SEPTIN6: variants seen among roughly 807,000 people sequenced by gnomAD.
SEPTIN6 encodes the protein septin 6.
SEPTIN6 carries 8 observed loss-of-function variants against 33.6 expected under a neutral mutation model. The ratio of observed to expected loss-of-function variants is 0.24; its 90% confidence interval spans 0.14 to 0.43. The LOEUF (loss-of-function observed/expected upper bound fraction) is 0.43, where lower values mean the gene tolerates loss of function less well. SEPTIN6 is among the 20% of genes least tolerant of loss of function. The pLI, the probability that SEPTIN6 is intolerant of heterozygous loss-of-function variation, is 1.00. For synonymous variants in SEPTIN6, 131 were observed against 140.0 expected, an observed-to-expected ratio of 0.94 and a Z score of 0.45; for missense variants, 250 against 340.8, an observed-to-expected ratio of 0.73 and a Z score of 2.10.
intron 8 of SEPTIN6, among the ~76,000 whole-genome samples, chrX:119,632,370 G>C (rs1490878499): frequency 1.8e-5 from 2 of 109,853 alleles, no homozygotes; most frequent in East Asian, 5.8e-4. Flanking sequence ...TAATTTTTTT[G>C]TATTTTTAGT....
chrX:119,669,125 C>T (rs1197331463), intron 2 of SEPTIN6, among the ~76,000 whole-genome samples: 1 of 113,005 alleles, frequency 8.8e-6, no homozygotes, highest in Non-Finnish European at 1.9e-5. Context: ...GAAGAAGTAA[C>T]TAGTCCAAGG....
intron 9 of SEPTIN6, chrX:119,629,097 C>G: frequency 2.5e-6 from 1 of 393,879 alleles, no homozygotes; most frequent in Non-Finnish European, 4.4e-6. Flanking sequence ...TGGGCTGGGC[C>G]TCTGGGACCA....
intron 5 of SEPTIN6, among the ~76,000 whole-genome samples, chrX:119,641,620 T>C (rs948502940): frequency 1.8e-5 from 2 of 112,086 alleles, no homozygotes; most frequent in African/African-American, 6.5e-5. Context: ...CAAATAGGTT[T>C]ATGAGCTTGG....
chrX:119,635,235 G>A, intron 7 of SEPTIN6: 1 of 270,696 alleles, frequency 3.7e-6, no homozygotes, highest in Admixed American at 3.8e-5. Context: ...AGATGAATTT[G>A]TACAGAGCTT....
At chrX:119,627,859 G>T (rs958554606) in intron 9 of SEPTIN6, among the ~76,000 whole-genome samples, 48 of 97,840 alleles carry the variant, frequency 4.9e-4, no homozygotes, top group Non-Finnish European at 8.3e-4. Context: ...GAGTGCAATG[G>T]TGCTATCTTA....
chrX:119,666,642 C>T (rs2054645886), intron 2 of SEPTIN6, among the ~76,000 whole-genome samples: 1 of 111,646 alleles, frequency 9.0e-6, no homozygotes, highest in Non-Finnish European at 1.9e-5. Flanking sequence ...GTCTGACTAA[C>T]TTGGTAAATT....
Position 119,619,362 on chromosome X carries a change from G to A in SEPTIN6, c.*731C>T. ...GTTTATTCTCCCTTTTGCATCTGTG[G>A]GATACCCAGAGTTAGAGAGAGGGGA... On this transcript the variant is annotated 3_prime_UTR_variant, in exon 11 of 11. Transcript: ENST00000394610. 1.2e-6 allele frequency: 1 copy of A among 813,585 alleles called. No homozygotes were observed. The highest frequency in any genetic ancestry group is 1.5e-6 in the Non-Finnish European group (1 of 675,950). The allele number at this position is 813,585 out of a possible 1,213,427, so 67.0% of individuals were successfully genotyped here. A position where few individuals can be genotyped will look rare whatever the true frequency, so the allele number is the denominator to read the frequency against.
At position 119,673,179 on chromosome X, in the gene SEPTIN6, T is replaced by G. The variant is rs181147095; in HGVS notation, c.145+2375A>C. ...TGAGCTTAGGAGTTCAAGAACAGCC[T>G]GGGCAACACAGTGAGACCTCACCTC... On this transcript the variant is annotated intron_variant, in intron 2 of 10. Coordinates refer to ENST00000394610, the MANE Select transcript of SEPTIN6 (RefSeq NM_145799.4). 2.7e-5 allele frequency among the ~76,000 whole-genome samples: 3 copies of G among 111,299 alleles called. No individual in the cohort carries two copies. The East Asian group carries it at 8.5e-4, about 32-fold the overall frequency.
chrX:119,655,800 TTAGA>T (rs1455987702), intron 3 of SEPTIN6, among the ~76,000 whole-genome samples: 1 of 112,271 alleles, frequency 8.9e-6, no homozygotes, highest in African/African-American at 3.2e-5. Flanking sequence ...ATCTGTGAAC[TTAGA>T]TAGGAAAAAA....
Position 119,670,893 on chromosome X carries a change from G to A in SEPTIN6, c.145+4661C>T, listed in dbSNP as rs149964850. Among the ~76,000 whole-genome samples, 75 of 106,891 alleles carry A rather than the reference G, an allele frequency of 7.0e-4. 1 individual carries two copies. In the East Asian group the frequency reaches 0.02, roughly 28 times the overall value. The allele number at this position is 106,891 out of a possible 115,157, so 92.8% of individuals were successfully genotyped here. A position where few individuals can be genotyped will look rare whatever the true frequency, so the allele number is the denominator to read the frequency against. On this transcript the variant is annotated intron_variant, in intron 2 of 10. Transcript: ENST00000394610. ...GTGGAGGTTTTGGTGCGCCAAGATCGTGCCATCGCACTCCAGCCTGGGTGA... is the reference window on the plus strand; with the variant it reads ...GTGGAGGTTTTGGTGCGCCAAGATCATGCCATCGCACTCCAGCCTGGGTGA...
chrX:119,624,950 A>G (rs1427448629), intron 10 of SEPTIN6, among the ~76,000 whole-genome samples: 1 of 111,236 alleles, frequency 9.0e-6, no homozygotes, highest in Non-Finnish European at 1.9e-5. Context: ...ACCTCAGGTG[A>G]TCTGCCCTCC....
At position 119,618,505 on chromosome X, in the gene SEPTIN6, T is replaced by C. The variant is rs2053700240; in HGVS notation, c.*1588A>G. 1.1e-6 allele frequency: 1 copy of C among 929,202 alleles called. No individual in the cohort carries two copies. Among genetic ancestry groups the C allele is most frequent in the African/African-American group, 2.1e-5 (1 of 48,580 alleles). 76.6% of individuals were successfully genotyped at this position (929,202 alleles called of 1,213,427 possible). ...GAAATTTGGCATAACCTTGTTTGACTGTGTGCTTTGAAAGTAAGTGATCAA... is the reference window on the plus strand; with the variant it reads ...GAAATTTGGCATAACCTTGTTTGACCGTGTGCTTTGAAAGTAAGTGATCAA... On this transcript the variant is annotated 3_prime_UTR_variant, in exon 11 of 11. Coordinates refer to ENST00000394610, the MANE Select transcript of SEPTIN6 (RefSeq NM_145799.4).
intron 4 of SEPTIN6, among the ~76,000 whole-genome samples, chrX:119,651,385 A>G (rs953636692): frequency 8.9e-6 from 1 of 112,005 alleles, no homozygotes; most frequent in African/African-American, 3.2e-5. Flanking sequence ...CTATAAACAT[A>G]TATCAGGCCA....
intron 10 of SEPTIN6, among the ~76,000 whole-genome samples, chrX:119,620,358 A>C (rs553707465): frequency 3.0e-5 from 3 of 99,934 alleles, no homozygotes; most frequent in Non-Finnish European, 6.0e-5. Context: ...TTGCTCTGTC[A>C]CCCAGGCTGG....
intron 1 of SEPTIN6, among the ~76,000 whole-genome samples, chrX:119,688,429 C>T (rs972455685): frequency 9.0e-6 from 1 of 111,464 alleles, no homozygotes; most frequent in Non-Finnish European, 1.9e-5. Flanking sequence ...AAATCCCAGG[C>T]CGGGCGCTGT....
chrX:119,634,073 A>G lies in SEPTIN6; in HGVS notation c.957-581T>C, dbSNP rs141977037. On this transcript the variant is annotated intron_variant, in intron 7 of 10. Coordinates refer to ENST00000394610, the MANE Select transcript of SEPTIN6 (RefSeq NM_145799.4). The stretch of plus-strand genomic sequence containing the variant: ...CCCTGGCCTAAGCTTATTTTTAAAG[A>G]AATAGGAGATAGGCTGGGTGCAGTG... Among the ~76,000 whole-genome samples the G allele has an allele frequency of 3.8e-3, 429 of 111,950 alleles. 5 individuals carry two copies. The highest frequency in any genetic ancestry group is 0.013 in the African/African-American group (411 of 30,825).
intron 6 of SEPTIN6, among the ~76,000 whole-genome samples, chrX:119,639,561 A>G (rs1366965217): frequency 4.5e-5 from 5 of 111,736 alleles, no homozygotes; most frequent in African/African-American, 1.3e-4. Flanking sequence ...ATTAACACCA[A>G]TGTCTCCACA....
At chrX:119,635,517 G>T (rs770312714) in intron 7 of SEPTIN6, among the ~76,000 whole-genome samples, 8 of 111,473 alleles carry the variant, frequency 7.2e-5, no homozygotes, top group Non-Finnish European at 1.3e-4. Context: ...GAAATAGTAG[G>T]AGAGATAGGA....
intron 1 of SEPTIN6, among the ~76,000 whole-genome samples, chrX:119,690,672 G>A (rs1010930902): frequency 3.2e-5 from 3 of 94,751 alleles, no homozygotes; most frequent in East Asian, 3.4e-4. Flanking sequence ...GCAGTGAGCC[G>A]AGATCATGCC....
Sources: gnomAD v4.1 joint callset for allele counts (sites outside exome capture counted in the v4.1 genomes callset) on GRCh38, gnomAD v4.1.1 for gene constraint, MANE v1.5 for transcripts, NCBI Gene and HGNC (gene_info 2026-07-23, HGNC 2026-07-21) for gene names.